Variants in SYNE2 observed in about 807,000 individuals in gnomAD.
The protein encoded by SYNE2 is spectrin repeat containing nuclear envelope protein 2, also known as nesprin-2.
In SYNE2, 431 loss-of-function variants were observed where a neutral mutation model predicts 856.3. The observed-to-expected ratio is 0.50, with a 90% CI of 0.47 to 0.55. The LOEUF (loss-of-function observed/expected upper bound fraction) is 0.55. SYNE2 is among the 20% of genes least tolerant of loss of function. The pLI is 0.00. For missense variants in SYNE2, 8,129 were observed against 8,023.2 expected, an observed-to-expected ratio of 1.01 and a Z score of -0.50; for synonymous variants, 2,923 against 2,872.3, an observed-to-expected ratio of 1.02 and a Z score of -0.56.
chr14:64,068,714 T>C (rs914241922), intron 51 of SYNE2, among the ~76,000 whole-genome samples: 1 of 151,476 alleles, frequency 6.6e-6, no homozygotes, highest in African/African-American at 2.4e-5. Context: ...ACAAAAAAAA[T>C]AGCCAGGCAT....
chr14:63,995,569 GC>G (rs1291234283), intron 23 of SYNE2, among the ~76,000 whole-genome samples: 1 of 152,110 alleles, frequency 6.6e-6, no homozygotes, highest in East Asian at 1.9e-4. Flanking sequence ...AGGGTACAAA[GC>G]AGCTGGGGCA....
chr14:64,212,094 T>G lies in SYNE2; in HGVS notation c.18857T>G (p.Leu6286Arg). The G allele has an allele frequency of 6.2e-7, 1 of 1,614,084 alleles. No homozygotes were observed. Among genetic ancestry groups the G allele is most frequent in the Non-Finnish European group, 8.5e-7 (1 of 1,180,018 alleles). The change falls in exon 104 of 116, where the codon CTG becomes CGG. Residue 6286 changes from leucine to arginine, a missense_variant. This residue lies in a region of SYNE2 where 5,410 missense variants were observed against 5,284.8 expected (regional missense o/e 1.02). Coordinates refer to ENST00000555002, the MANE Select transcript of SYNE2 (RefSeq NM_182914.3). Reference sequence around the variant, plus strand: ...GACGCCGATGACAAGATGCGCCAACTGAATGTGAGGGCTGCTGCTTCCCTA... The same window carrying G: ...GACGCCGATGACAAGATGCGCCAACGGAATGTGAGGGCTGCTGCTTCCCTA... ...ESDADDKMRQ[L>R]NGFQQEITLN...
chr14:63,825,980 C>T (rs1889414095), intron 1 of SYNE2, among the ~76,000 whole-genome samples: 1 of 152,196 alleles, frequency 6.6e-6, no homozygotes, highest in South Asian at 2.1e-4. Flanking sequence ...CCAACTTGAT[C>T]TACAGACTGA....
chr14:64,076,746 T>G (rs1173356351), intron 54 of SYNE2, among the ~76,000 whole-genome samples: 2 of 151,220 alleles, frequency 1.3e-5, no homozygotes, highest in Non-Finnish European at 3.0e-5. Flanking sequence ...AAGGATTTTT[T>G]TTTTTTTTTT....
Position 64,089,568 on chromosome 14 carries a change from T to C in SYNE2, c.11671-6T>C, listed in dbSNP as rs1235003120. 1 of 1,608,244 alleles carries C rather than the reference T, an allele frequency of 6.2e-7. No homozygotes were observed. The highest frequency in any genetic ancestry group is 8.5e-7 in the Non-Finnish European group (1 of 1,176,058). ...ATTGCATCAGTGTGTTCTTCTGAAA[T>C]TCTAGGATGTGGTTGCTATTGAATC... On this transcript the variant is annotated splice_polypyrimidine_tract_variant and splice_region_variant and intron_variant, in intron 58 of 115. Coordinates refer to ENST00000555002, the MANE Select transcript of SYNE2 (RefSeq NM_182914.3).
chr14:64,210,255 C>G (rs2098633277), intron 103 of SYNE2, 131 bp downstream of exon 103: 2 of 1,195,856 alleles, frequency 1.7e-6, no homozygotes, highest in African/African-American at 3.1e-5. Context: ...TTTAACAGTC[C>G]TCCAACACAA....
intron 64 of SYNE2, among the ~76,000 whole-genome samples, chr14:64,106,943 C>T (rs2097775620): frequency 6.6e-6 from 1 of 151,960 alleles, no homozygotes; most frequent in African/African-American, 2.4e-5. Context: ...TCATAAAATG[C>T]CTTGGTAGTT....
chr14:63,765,069 G>A (rs1349188133), intron 1 of SYNE2, among the ~76,000 whole-genome samples: 1 of 152,162 alleles, frequency 6.6e-6, no homozygotes, highest in Non-Finnish European at 1.5e-5. Flanking sequence ...GGAGGAGCAG[G>A]AGCCCCTGAG....
intron 9 of SYNE2, among the ~76,000 whole-genome samples, chr14:63,963,070 G>A (rs2096342847): frequency 6.6e-6 from 1 of 152,132 alleles, no homozygotes; most frequent in Admixed American, 6.5e-5. Context: ...ATGTTTACAT[G>A]CATTTTATTT....
intron 47 of SYNE2, 26 bp downstream of exon 47, chr14:64,049,902 A>G: frequency 1.4e-5 from 23 of 1,612,000 alleles, no homozygotes; most frequent in Non-Finnish European, 1.9e-5. Flanking sequence ...TAGGACTTGC[A>G]TTCTTTTTAT....
In SYNE2 at chr14:63,891,154, A is replaced by C. The variant is rs373789536; in HGVS notation, c.-51-17944A>C. 4.9e-4 allele frequency among the ~76,000 whole-genome samples: 74 copies of C among 152,304 alleles called. 1 individual carries two copies. Among genetic ancestry groups the C allele is most frequent in the African/African-American group, 1.8e-3 (73 of 41,576 alleles). On this transcript the variant is annotated intron_variant, in intron 1 of 115. Transcript: ENST00000555002. Reference sequence around the variant, plus strand: ...AGCTCAGCAATTGTAGGGGAGGAAAAACTTCTTTCCTGTACCCTCCTAGGT... The same window carrying C: ...AGCTCAGCAATTGTAGGGGAGGAAACACTTCTTTCCTGTACCCTCCTAGGT...
At chr14:63,792,218 C>G (rs1026071274) in intron 1 of SYNE2, among the ~76,000 whole-genome samples, 5 of 152,132 alleles carry the variant, frequency 3.3e-5, no homozygotes, top group Non-Finnish European at 5.9e-5. Flanking sequence ...AAGAGATACT[C>G]TTTAGATTCA....
rs1162975975 is a variant in SYNE2, at chr14:64,188,773, C to CT, written c.17871+66dup. Reference sequence around the variant, plus strand: ...ATGGAATTGTCGGCCCTCCTCACTCCTAAGCCCAAACAGGGGCAATGTTAC... The same window carrying CT: ...ATGGAATTGTCGGCCCTCCTCACTCCTTAAGCCCAAACAGGGGCAATGTTAC... On this transcript the variant is annotated intron_variant, in intron 98 of 115. Transcript: ENST00000555002. 3 of 1,562,108 alleles carry CT rather than the reference C, an allele frequency of 1.9e-6. No homozygotes were observed. In the East Asian group the frequency reaches 6.7e-5, roughly 35 times the overall value.
Position 64,210,029 on chromosome 14 carries a change from G to A in SYNE2, c.18628G>A (p.Asp6210Asn). 1 of 1,614,146 alleles carries A rather than the reference G, an allele frequency of 6.2e-7. No homozygotes were observed. Among genetic ancestry groups the A allele is most frequent in the Non-Finnish European group, 8.5e-7 (1 of 1,180,036 alleles). ...GCGGCTGGCCCGGGAGAACCGCACAGACACGGCCAGCAGGCTGAAGCAGAT... is the reference window on the plus strand; with the variant it reads ...GCGGCTGGCCCGGGAGAACCGCACAAACACGGCCAGCAGGCTGAAGCAGAT... ...YRRLARENRT[D>N]TASRLKQMVH... Residue 6210 changes from aspartate to asparagine, a missense_variant, in exon 103 of 116, where the codon GAC becomes AAC. Transcript: ENST00000555002.
intron 63 of SYNE2, 141 bp downstream of exon 63, chr14:64,098,962 T>C (rs1486220365): frequency 1.2e-5 from 10 of 820,840 alleles, no homozygotes; most frequent in Admixed American, 4.1e-5. Context: ...GAAGTAGTTC[T>C]CTTATGTTAT....
At chr14:63,916,465 T>C (rs574302163) in intron 2 of SYNE2, among the ~76,000 whole-genome samples, 2 of 152,346 alleles carry the variant, frequency 1.3e-5, no homozygotes, top group East Asian at 3.9e-4. Context: ...TAGGTACATA[T>C]GATATTCCTG....
intron 6 of SYNE2, among the ~76,000 whole-genome samples, chr14:63,946,137 C>T (rs1056652820): frequency 2.0e-5 from 3 of 152,094 alleles, no homozygotes; most frequent in African/African-American, 7.2e-5. Context: ...AAAATATATT[C>T]TAGGCTGGGT....
At chr14:64,180,203 C>G (rs2098451696) in intron 96 of SYNE2, among the ~76,000 whole-genome samples, 1 of 152,156 alleles carries the variant, frequency 6.6e-6, no homozygotes, top group Admixed American at 6.5e-5. Flanking sequence ...TGTATGTCAG[C>G]TTTAATATCA....
intron 6 of SYNE2, among the ~76,000 whole-genome samples, chr14:63,946,009 G>A (rs767141655): frequency 1.3e-5 from 2 of 152,176 alleles, no homozygotes; most frequent in Non-Finnish European, 2.9e-5. Flanking sequence ...GTTAATCAAA[G>A]TGGTTGTTCC....
Sources: gnomAD v4.1 joint callset for allele counts (sites outside exome capture counted in the v4.1 genomes callset) on GRCh38, gnomAD v4.1.1 for gene constraint, gnomAD v4.1.1 regional missense constraint, MANE v1.5 for transcripts, NCBI Gene and HGNC (gene_info 2026-07-23, HGNC 2026-07-21) for gene names.